Variants in ZNHIT6 observed in about 807,000 individuals in gnomAD.
The protein encoded by ZNHIT6 is box C/D snoRNA protein 1.
ZNHIT6 carries 45 observed loss-of-function variants against 57.2 expected under a neutral mutation model. That is an observed-to-expected ratio of 0.79 (90% confidence interval 0.62 to 1.01). The LOEUF (loss-of-function observed/expected upper bound fraction) is 1.01. ZNHIT6 is among the 50% of genes least tolerant of loss of function. The pLI, the probability that ZNHIT6 is intolerant of heterozygous loss-of-function variation, is 0.00. For synonymous variants in ZNHIT6, 188 were observed against 190.0 expected, an observed-to-expected ratio of 0.99 and a Z score of 0.09; for missense variants, 528 against 567.3, an observed-to-expected ratio of 0.93 and a Z score of 0.70.
intron 8 of ZNHIT6, among the ~76,000 whole-genome samples, chr1:85,664,823 C>T (rs138659826): frequency 2.3e-3 from 354 of 152,050 alleles, no homozygotes; most frequent in African/African-American, 6.9e-3. Context: ...TATTCTCTCT[C>T]GTTCTGTTGT....
intron 5 of ZNHIT6, among the ~76,000 whole-genome samples, chr1:85,689,625 T>C (rs1002039534): frequency 9.2e-5 from 14 of 152,152 alleles, no homozygotes; most frequent in African/African-American, 1.9e-4. Flanking sequence ...AGAAAATGGA[T>C]ATAGCAGGTG....
At chr1:85,668,387 G>A (rs917863732) in intron 8 of ZNHIT6, among the ~76,000 whole-genome samples, 3 of 152,034 alleles carry the variant, frequency 2.0e-5, no homozygotes, top group African/African-American at 7.2e-5. Flanking sequence ...AATTTCAAAA[G>A]GAAAACAAGA....
rs545729686 is a variant in ZNHIT6 at position 85,650,109 on chromosome 1, C to T, written c.*3949G>A. ...TTCTGGCTTTCTTCTAAAAATTTCCCCCTCCTTTGGGTGAATTCCTCTCTT... is the reference window on the plus strand; with the variant it reads ...TTCTGGCTTTCTTCTAAAAATTTCCTCCTCCTTTGGGTGAATTCCTCTCTT... On this transcript the variant is annotated 3_prime_UTR_variant, in exon 10 of 10. Coordinates refer to ENST00000370574, the MANE Select transcript of ZNHIT6 (RefSeq NM_017953.4). 8 of 152,194 alleles carry T rather than the reference C, an allele frequency of 5.3e-5. No individual in the cohort carries two copies. The East Asian group carries it at 1.5e-3, about 29-fold the overall frequency. 9.4% of individuals were successfully genotyped at this position (152,194 alleles called of 1,614,324 possible). A position where few individuals can be genotyped will look rare whatever the true frequency, so the allele number is the denominator to read the frequency against.
intron 5 of ZNHIT6, among the ~76,000 whole-genome samples, chr1:85,691,868 G>A (rs544264539): frequency 8.1e-4 from 123 of 152,232 alleles, no homozygotes; most frequent in African/African-American, 2.9e-3. Flanking sequence ...CTGGGTGACA[G>A]AGTAAGACTC....
chr1:85,662,401 A>C (rs1389500657), intron 8 of ZNHIT6, among the ~76,000 whole-genome samples: 1 of 152,162 alleles, frequency 6.6e-6, no homozygotes, highest in Non-Finnish European at 1.5e-5. Context: ...AGATCCCTTC[A>C]GCTCTAAATT....
chr1:85,657,773 A>G (rs1043153950), intron 9 of ZNHIT6, 74 bp downstream of exon 9: 6 of 1,411,634 alleles, frequency 4.3e-6, no homozygotes, highest in Non-Finnish European at 5.9e-6. Context: ...CATATAAAGA[A>G]ATAAGGGTGG....
At chr1:85,693,763 T>C (rs1015658473) in intron 5 of ZNHIT6, among the ~76,000 whole-genome samples, 8 of 152,176 alleles carry the variant, frequency 5.3e-5, no homozygotes, top group Non-Finnish European at 1.2e-4. Context: ...CAACGGAATA[T>C]ATAAATTAAC....
intron 8 of ZNHIT6, among the ~76,000 whole-genome samples, chr1:85,671,322 T>C (rs1661551944): frequency 6.6e-6 from 1 of 152,156 alleles, no homozygotes. Flanking sequence ...ATATGGCTGA[T>C]GCATGCCTAG....
At chr1:85,696,381 A>G (rs959222076) in intron 5 of ZNHIT6, among the ~76,000 whole-genome samples, 2 of 151,964 alleles carry the variant, frequency 1.3e-5, no homozygotes, top group Non-Finnish European at 2.9e-5. Flanking sequence ...TTCACTGAAC[A>G]TGTCATGGAT....
At chr1:85,686,480 C>G (rs1211959445) in intron 5 of ZNHIT6, among the ~76,000 whole-genome samples, 1 of 152,082 alleles carries the variant, frequency 6.6e-6, no homozygotes, top group East Asian at 1.9e-4. Context: ...GGAGGCTAAA[C>G]TCAAAGAATG....
intron 6 of ZNHIT6, 35 bp from the exon 7 acceptor site, chr1:85,678,816 G>A (rs1418170145): frequency 3.3e-6 from 4 of 1,206,836 alleles, no homozygotes; most frequent in Non-Finnish European, 4.6e-6. Context: ...AGCTATATTA[G>A]TATTTATAAT....
intron 8 of ZNHIT6, among the ~76,000 whole-genome samples, chr1:85,664,194 G>A (rs113618058): frequency 7.0e-4 from 106 of 152,240 alleles, no homozygotes; most frequent in African/African-American, 2.4e-3. Flanking sequence ...CCAATGATTC[G>A]TAGATTTGGC....
intron 8 of ZNHIT6, among the ~76,000 whole-genome samples, chr1:85,662,692 T>C (rs539812868): frequency 1.2e-4 from 19 of 152,314 alleles, no homozygotes; most frequent in African/African-American, 4.3e-4. Flanking sequence ...TCACAGTAGT[T>C]AAGTTAGTGG....
Position 85,708,138 on chromosome 1 carries a change from T to C in ZNHIT6, c.147A>G (p.Thr49=), listed in dbSNP as rs200404471. The change falls in exon 1 of 10, where the codon ACA becomes ACG. Residue 49 remains threonine (T), a synonymous_variant. Coordinates refer to ENST00000370574, the MANE Select transcript of ZNHIT6 (RefSeq NM_017953.4). ...CTATCTCCTTTATCCCTGTCAGCCC[T>C]GTCCCCTCCTCTCCGCCGCCGAACT... ...AEEFGGGEEG[T]GLTGIKEIGD... is the part of the protein sequence containing the mutation. 2 of 1,614,174 alleles carry C rather than the reference T, an allele frequency of 1.2e-6. No homozygotes were observed. Among genetic ancestry groups the C allele is most frequent in the African/African-American group, 1.3e-5 (1 of 75,046 alleles).
At chr1:85,704,473 T>A (rs912706867) in intron 4 of ZNHIT6, among the ~76,000 whole-genome samples, 8 of 152,184 alleles carry the variant, frequency 5.3e-5, no homozygotes, top group African/African-American at 1.9e-4. Context: ...AAGGGTGGCA[T>A]GGAACTTCTG....
At position 85,706,619 on chromosome 1, in the gene ZNHIT6, T is replaced by C. The variant is rs567893392; in HGVS notation, c.657-112A>G. Reference sequence around the variant, plus strand: ...CAGTGACAAGTAACTGATAAAATATTTGATAGCTGTTGAACATCATTTGAA... The same window carrying C: ...CAGTGACAAGTAACTGATAAAATATCTGATAGCTGTTGAACATCATTTGAA... On this transcript the variant is annotated intron_variant, in intron 1 of 9. Coordinates refer to ENST00000370574, the MANE Select transcript of ZNHIT6 (RefSeq NM_017953.4). The C allele has an allele frequency of 1.5e-5, 14 of 937,794 alleles. No homozygotes were observed. In the African/African-American group the frequency reaches 2.2e-4, roughly 15 times the overall value. The allele number at this position is 937,794 out of a possible 1,614,324, so 58.1% of individuals were successfully genotyped here.
intron 5 of ZNHIT6, among the ~76,000 whole-genome samples, chr1:85,683,744 T>C (rs973026208): frequency 6.6e-6 from 1 of 152,142 alleles, no homozygotes; most frequent in Non-Finnish European, 1.5e-5. Context: ...TTACTTGGAT[T>C]ACTTTCTAAA....
rs890071218 is a variant in ZNHIT6 at position 85,707,826 on chromosome 1, C to T, written c.459G>A (p.Lys153=). 7.4e-6 allele frequency: 12 copies of T among 1,614,026 alleles called. No individual in the cohort carries two copies. The highest frequency in any genetic ancestry group is 1.1e-5 in the South Asian group (1 of 91,078). ...TTATCTCCAAGTTATCCTTCTCTTC[C>T]TTCACTTCTGACCAGTCCATTACCT... ...KEEVMDWSEV[K]EEKDNLEIKQ... Residue 153 remains lysine (K), a synonymous_variant, in exon 1 of 10, where the codon AAG becomes AAA. Transcript: ENST00000370574.
intron 8 of ZNHIT6, among the ~76,000 whole-genome samples, chr1:85,659,451 G>A (rs1661165508): frequency 6.6e-6 from 1 of 152,188 alleles, no homozygotes; most frequent in African/African-American, 2.4e-5. Flanking sequence ...AATGACAGGT[G>A]ATATTCACAT....
Sources: allele counts gnomAD v4.1 joint callset (sites outside exome capture counted in the v4.1 genomes callset), GRCh38; gene constraint gnomAD v4.1.1; transcripts MANE v1.5; gene names NCBI Gene and HGNC (gene_info 2026-07-23, HGNC 2026-07-21).